WDR27: variants seen among roughly 807,000 people sequenced by gnomAD.
The protein encoded by WDR27 is WD repeat-containing protein 27.
A neutral mutation model predicts 114.4 loss-of-function variants in WDR27; 100 were observed. The ratio of observed to expected loss-of-function variants is 0.87; its 90% CI spans 0.74 to 1.03. WDR27 has a LOEUF of 1.03. Ranked by LOEUF, WDR27 falls within the 50% of genes least tolerant of loss-of-function variation. WDR27 has a pLI of 0.00. For missense variants in WDR27, 1,129 were observed against 1,092.9 expected, an observed-to-expected ratio of 1.03 and a Z score of -0.47; for synonymous variants, 449 against 423.1, an observed-to-expected ratio of 1.06 and a Z score of -0.75.
intron 25 of WDR27, among the ~76,000 whole-genome samples, chr6:169,557,488 C>G (rs1445563950): frequency 6.6e-6 from 1 of 152,188 alleles, no homozygotes; most frequent in Non-Finnish European, 1.5e-5. Flanking sequence ...CATTGTAACC[C>G]CAGACAAAGA....
At chr6:169,638,392 T>G (rs957264493) in intron 18 of WDR27, 147 bp downstream of exon 18, 18 of 952,908 alleles carry the variant, frequency 1.9e-5, no homozygotes, top group Non-Finnish European at 2.7e-5. Flanking sequence ...AGCAATAACT[T>G]TTAATCAGTA....
intron 25 of WDR27, among the ~76,000 whole-genome samples, chr6:169,482,972 G>A (rs1788396767): frequency 6.6e-6 from 1 of 152,110 alleles, no homozygotes; most frequent in Non-Finnish European, 1.5e-5. Flanking sequence ...ATATCAAGGA[G>A]TTCTTCAAAA....
chr6:169,560,226 G>C (rs1192911595), intron 25 of WDR27, among the ~76,000 whole-genome samples: 1 of 152,010 alleles, frequency 6.6e-6, no homozygotes, highest in Non-Finnish European at 1.5e-5. Flanking sequence ...GTTTTAGCAG[G>C]GATTTCTGCT....
At chr6:169,633,857 T>G (rs1342292802) in intron 20 of WDR27, among the ~76,000 whole-genome samples, 2 of 152,228 alleles carry the variant, frequency 1.3e-5, no homozygotes, top group African/African-American at 4.8e-5. Flanking sequence ...GAAAACATAC[T>G]GCAACCTCCT....
At chr6:169,602,051 C>T (rs1808090403) in intron 23 of WDR27, among the ~76,000 whole-genome samples, 168 bp downstream of exon 23, 1 of 152,220 alleles carries the variant, frequency 6.6e-6, no homozygotes, top group Non-Finnish European at 1.5e-5. Flanking sequence ...AAACATCTTT[C>T]ATACCTCACA....
At chr6:169,499,340 G>T (rs1285174998) in intron 25 of WDR27, among the ~76,000 whole-genome samples, 3 of 152,236 alleles carry the variant, frequency 2.0e-5, no homozygotes, top group Non-Finnish European at 4.4e-5. Flanking sequence ...GCTCTGAATA[G>T]CTGGGACAAA....
chr6:169,430,571 A>T, the WDR27 span, among the ~76,000 whole-genome samples: 2 of 152,224 alleles, frequency 1.3e-5, no homozygotes, highest in Non-Finnish European at 2.9e-5. Flanking sequence ...GGAAGTTCAA[A>T]TGGAAAGCTG....
intron 25 of WDR27, among the ~76,000 whole-genome samples, chr6:169,512,090 T>C (rs1387272781): frequency 6.6e-6 from 1 of 152,304 alleles, no homozygotes; most frequent in East Asian, 1.9e-4. Context: ...TAAATTATTA[T>C]AAATTATTTC....
At chr6:169,449,492 A>G in the WDR27 span, among the ~76,000 whole-genome samples, 1 of 152,064 alleles carries the variant, frequency 6.6e-6, no homozygotes, top group African/African-American at 2.4e-5. Flanking sequence ...GAACACGTCG[A>G]CCCTAGGCAA....
At chr6:169,440,765 A>C in the WDR27 span, among the ~76,000 whole-genome samples, 42 of 152,282 alleles carry the variant, frequency 2.8e-4, no homozygotes, top group Middle Eastern at 0.02. Context: ...CAATACCCCC[A>C]AGACAACTTT....
At chr6:169,583,645 A>C (rs1048979468) in intron 23 of WDR27, among the ~76,000 whole-genome samples, 1 of 151,880 alleles carries the variant, frequency 6.6e-6, no homozygotes, top group African/African-American at 2.4e-5. Context: ...TGAGATAATC[A>C]TTAAGTAACA....
chr6:169,649,457 T>G (rs1821676312), intron 14 of WDR27, among the ~76,000 whole-genome samples, 182 bp from the exon 15 acceptor site: 2 of 152,030 alleles, frequency 1.3e-5, no homozygotes, highest in South Asian at 4.1e-4. Context: ...GTGTCTCTCA[T>G]GCTACCTCAG....
intron 22 of WDR27, among the ~76,000 whole-genome samples, chr6:169,605,126 T>G (rs76240387): frequency 0.6 from 44,412 of 73,996 alleles, 12,108 homozygotes; most frequent in Non-Finnish European, 0.68. Context: ...AAAAAAAAAG[T>G]TTTTTTTTTT....
At chr6:169,689,104 C>A (rs3800548) in intron 1 of WDR27, 92 bp from the exon 2 acceptor site, 70,666 of 806,396 alleles carry the variant, frequency 0.088, 9,013 homozygotes, top group East Asian at 0.59. Flanking sequence ...CTAGTTTGAC[C>A]ACACACATAT....
chr6:169,474,676 AT>A (rs963076201), intron 25 of WDR27, among the ~76,000 whole-genome samples: 1 of 151,808 alleles, frequency 6.6e-6, no homozygotes, highest in African/African-American at 2.4e-5. Context: ...GAGTTCTACA[AT>A]TAAAAAAAAA....
At chr6:169,687,694 G>A (rs1783371652) in intron 2 of WDR27, among the ~76,000 whole-genome samples, 1 of 152,138 alleles carries the variant, frequency 6.6e-6, no homozygotes, top group Non-Finnish European at 1.5e-5. Flanking sequence ...ATGAGGAATT[G>A]ATTCCAGGAA....
intron 23 of WDR27, among the ~76,000 whole-genome samples, chr6:169,593,276 T>C (rs1025898270): frequency 6.6e-6 from 1 of 152,150 alleles, no homozygotes; most frequent in Non-Finnish European, 1.5e-5. Context: ...CACAAGGAGT[T>C]CTTAGGAAAC....
At chr6:169,619,270 GAACA>G (rs2128194409) in intron 21 of WDR27, among the ~76,000 whole-genome samples, 1 of 151,952 alleles carries the variant, frequency 6.6e-6, no homozygotes, top group Admixed American at 6.6e-5. Context: ...GTCATTCCAG[GAACA>G]AAGCGAGGCA....
chr6:169,559,699 G>A (rs528524714), intron 25 of WDR27: 381 of 152,306 alleles, frequency 2.5e-3, no homozygotes, highest in Admixed American at 3.9e-3. Context: ...GAAAGGCTCC[G>A]TACAGCTCAC....
Sources: gnomAD v4.1 joint callset for allele counts (sites outside exome capture counted in the v4.1 genomes callset) on GRCh38, gnomAD v4.1.1 for gene constraint, MANE v1.5 for transcripts, NCBI Gene and HGNC (gene_info 2026-07-23, HGNC 2026-07-21) for gene names.